The following FBXL2 variants were observed in gnomAD, a reference collection of about 807,000 sequenced individuals.
FBXL2 encodes F-box/LRR-repeat protein 2.
FBXL2 carries 38 observed loss-of-function variants against 69.2 expected under a neutral mutation model. That is an observed-to-expected ratio of 0.55 (90% CI 0.42 to 0.72). FBXL2 has a LOEUF of 0.72. Among genes scored for constraint, FBXL2 ranks in the 30% least tolerant of loss-of-function variants. The pLI is 0.00. For synonymous variants in FBXL2, 192 were observed against 201.3 expected, an observed-to-expected ratio of 0.95 and a Z score of 0.39; for missense variants, 354 against 520.3, an observed-to-expected ratio of 0.68 and a Z score of 3.11.
downstream of FBXL2, chr3:33,389,259 C>A (rs1446663324): frequency 6.6e-6 from 1 of 152,514 alleles, no homozygotes; most frequent in Non-Finnish European, 1.5e-5. Context: ...TACTAAAGCT[C>A]AATATTTGAG....
At chr3:33,412,684 T>A in the FBXL2 span, 2 of 1,300,072 alleles carry the variant, frequency 1.5e-6, no homozygotes, top group Non-Finnish European at 2.2e-6. Context: ...AGCTAAACAA[T>A]ACCCTCATCT....
chr3:33,343,268 A>G (rs1172540654), intron 2 of FBXL2, among the ~76,000 whole-genome samples: 2 of 152,232 alleles, frequency 1.3e-5, no homozygotes, highest in Admixed American at 1.3e-4. Flanking sequence ...TGCAATAACA[A>G]TTTAATTTCT....
In FBXL2 at chr3:33,377,309, C is replaced by T. The variant is rs139204865; in HGVS notation, c.825C>T (p.Asp275=). The T allele has an allele frequency of 4.5e-5, 72 of 1,614,146 alleles. 2 individuals carry two copies. Among genetic ancestry groups the T allele is most frequent in the African/African-American group, 2.9e-4 (22 of 75,046 alleles). The change falls in exon 11 of 15, where the codon GAC becomes GAT. Residue 275 remains aspartate (D), a synonymous_variant. Transcript: ENST00000484457. ...CTGCCCGATGCTCCCATTTGACTGA[C>T]GCAGGTTTTACACTTTTAGCTCGGG... ...LEAARCSHLT[D]AGFTLLARNC...
At chr3:33,303,125 G>T in intron 2 of FBXL2, 1 of 456,666 alleles carries the variant, frequency 2.2e-6, no homozygotes, top group South Asian at 1.5e-5. Flanking sequence ...GCTGTCTGTG[G>T]TGCCTGCTGC....
Position 33,384,262 on chromosome 3 carries a change from C to T in FBXL2, c.1164+61C>T, listed in dbSNP as rs543620974. On this transcript the variant is annotated intron_variant, in intron 14 of 14. Transcript: ENST00000484457. ...ATTTCTAAGCACCAAAGGAAAACAT[C>T]AAGAATCAGACCGGGGCTAGGCACG... is the stretch of plus-strand genomic sequence containing the variant. The T allele has an allele frequency of 4.4e-4, 669 of 1,535,440 alleles. 1 individual carries two copies. The highest frequency in any genetic ancestry group is 5.6e-4 in the Non-Finnish European group (622 of 1,118,494).
chr3:33,287,943 G>GT lies in FBXL2; in HGVS notation c.4-9712dup, dbSNP rs980048960. ...AATGACATCCTGAAGGATTTACTGG[G>GT]TTTTTTTTTGGTTTTCCAGTTCAGA... On this transcript the variant is annotated intron_variant, in intron 1 of 14. Coordinates refer to ENST00000484457, the MANE Select transcript of FBXL2 (RefSeq NM_012157.5). 5.4e-4 allele frequency among the ~76,000 whole-genome samples: 81 copies of GT among 151,366 alleles called. No individual in the cohort carries two copies. The South Asian group carries it at 5.8e-3, about 11-fold the overall frequency.
chr3:33,334,567 T>C (rs2039420837), intron 2 of FBXL2, among the ~76,000 whole-genome samples: 1 of 152,158 alleles, frequency 6.6e-6, no homozygotes, highest in African/African-American at 2.4e-5. Context: ...TTAAGAGGTC[T>C]AACATACATA....
chr3:33,368,384 A>G (rs987641964), intron 5 of FBXL2, among the ~76,000 whole-genome samples: 1 of 152,202 alleles, frequency 6.6e-6, no homozygotes, highest in African/African-American at 2.4e-5. Flanking sequence ...CTCTGTTACT[A>G]TGTATATAAA....
intron 12 of FBXL2, among the ~76,000 whole-genome samples, chr3:33,378,384 C>T (rs2154050581): frequency 6.6e-6 from 1 of 152,330 alleles, no homozygotes; most frequent in South Asian, 2.1e-4. Context: ...AATAAGCTTG[C>T]ATGTCCAGTG....
At chr3:33,395,750 G>GAAAAAAAAAA (rs61654235) in intron 12 of FBXL2, among the ~76,000 whole-genome samples, 143 of 69,650 alleles carry the variant, frequency 2.1e-3, no homozygotes, top group African/African-American at 2.3e-3. Context: ...CAGGAAAATT[G>GAAAAAAAAAA]AAAAAAAAAA....
chr3:33,353,291 T>C (rs927785877), intron 2 of FBXL2, among the ~76,000 whole-genome samples: 1 of 152,174 alleles, frequency 6.6e-6, no homozygotes, highest in African/African-American at 2.4e-5. Flanking sequence ...TTTATCCAAA[T>C]GAGTAGAAAA....
At chr3:33,402,243 C>T (rs2044256683) in intron 12 of FBXL2, among the ~76,000 whole-genome samples, 1 of 152,158 alleles carries the variant, frequency 6.6e-6, no homozygotes, top group South Asian at 2.1e-4. Flanking sequence ...TCTCTTGCTC[C>T]CACCCTGAGC....
At chr3:33,411,077 A>T in the FBXL2 span, among the ~76,000 whole-genome samples, 1 of 151,844 alleles carries the variant, frequency 6.6e-6, no homozygotes, top group Non-Finnish European at 1.5e-5. Flanking sequence ...CATCTCAAAA[A>T]AAAAAAAAAA....
intron 2 of FBXL2, among the ~76,000 whole-genome samples, chr3:33,332,935 T>C (rs1438544285): frequency 6.6e-6 from 1 of 152,220 alleles, no homozygotes; most frequent in Admixed American, 6.5e-5. Flanking sequence ...GGACTACGGA[T>C]ACATGTTACA....
chr3:33,313,254 T>A (rs78606034), intron 2 of FBXL2, among the ~76,000 whole-genome samples: 1 of 146,086 alleles, frequency 6.8e-6, no homozygotes, highest in East Asian at 2.0e-4. Context: ...TAAAGAATTC[T>A]TTTTTTTTTT....
downstream of FBXL2, chr3:33,392,623 A>G: frequency 6.2e-7 from 1 of 1,607,928 alleles, no homozygotes; most frequent in Non-Finnish European, 8.5e-7. Flanking sequence ...ATCTGGAAGG[A>G]TAAAGTAAAT....
At chr3:33,293,684 T>G (rs1457771966) in intron 1 of FBXL2, among the ~76,000 whole-genome samples, 5 of 152,156 alleles carry the variant, frequency 3.3e-5, no homozygotes, top group Admixed American at 2.0e-4. Flanking sequence ...CAACTTTGAT[T>G]CACTAGTCTT....
At chr3:33,313,997 C>G (rs776889892) in intron 2 of FBXL2, among the ~76,000 whole-genome samples, 1 of 152,148 alleles carries the variant, frequency 6.6e-6, no homozygotes, top group Non-Finnish European at 1.5e-5. Flanking sequence ...TTTCTTCTGG[C>G]ATAAAGCTTT....
At chr3:33,409,745 A>G in the FBXL2 span, 2,409 of 1,050,528 alleles carry the variant, frequency 2.3e-3, 2 homozygotes, top group Non-Finnish European at 3.0e-3. Flanking sequence ...CAAATTATCT[A>G]TGAACCTAAT....
Sources: gnomAD v4.1 joint callset for allele counts (sites outside exome capture counted in the v4.1 genomes callset) on GRCh38, gnomAD v4.1.1 for gene constraint, MANE v1.5 for transcripts, NCBI Gene and HGNC (gene_info 2026-07-23, HGNC 2026-07-21) for gene names.